Variants in ZBTB40 observed in about 807,000 individuals in gnomAD.
ZBTB40 encodes the protein zinc finger and BTB domain-containing protein 40.
A neutral mutation model predicts 117.5 loss-of-function variants in ZBTB40; 60 were observed. The observed-to-expected ratio is 0.51, with a 90% confidence interval of 0.41 to 0.63. ZBTB40 has a LOEUF of 0.63. ZBTB40 is among the 30% of genes least tolerant of loss of function. The pLI is 0.00. For synonymous variants in ZBTB40, 525 were observed against 577.1 expected (o/e 0.91, Z 1.29); for missense variants, 1,287 against 1,498.5 (o/e 0.86, Z 2.33).
upstream of ZBTB40, among the ~76,000 whole-genome samples, chr1:22,451,662 A>G (rs1640871739): frequency 6.6e-6 from 1 of 151,704 alleles, no homozygotes; most frequent in Non-Finnish European, 1.5e-5. Flanking sequence ...AAAAAAAAAG[A>G]AAAAAACTTT....
At chr1:22,453,532 T>G (rs374379075) in intron 1 of ZBTB40, among the ~76,000 whole-genome samples, 1 of 152,202 alleles carries the variant, frequency 6.6e-6, no homozygotes, top group Admixed American at 6.5e-5. Flanking sequence ...TGTAATAGCA[T>G]CATCATAATA....
chr1:22,519,479 G>A (rs1409056253), intron 13 of ZBTB40: 1 of 162,314 alleles, frequency 6.2e-6, no homozygotes, highest in Admixed American at 5.7e-5. Context: ...CTGTAAAATA[G>A]GGATGATAAT....
chr1:22,465,286 G>A (rs1177917498), intron 1 of ZBTB40, among the ~76,000 whole-genome samples: 1 of 152,152 alleles, frequency 6.6e-6, no homozygotes, highest in African/African-American at 2.4e-5. Context: ...CAGGTCATTT[G>A]GCGGTCTCTG....
At chr1:22,506,383 C>G in intron 6 of ZBTB40, 142 bp downstream of exon 6, 1 of 863,326 alleles carries the variant, frequency 1.2e-6, no homozygotes, top group East Asian at 2.6e-5. Context: ...CGTCATAAAT[C>G]GATAATTCTC....
chr1:22,504,245 T>C (rs1557512066), intron 5 of ZBTB40, among the ~76,000 whole-genome samples: 2 of 152,196 alleles, frequency 1.3e-5, no homozygotes, highest in African/African-American at 2.4e-5. Flanking sequence ...TTAGAAACTA[T>C]GCTAATAATG....
intron 3 of ZBTB40, among the ~76,000 whole-genome samples, chr1:22,495,133 G>A (rs934479347): frequency 6.6e-5 from 10 of 152,144 alleles, no homozygotes; most frequent in Admixed American, 4.6e-4. Context: ...CAGCTGTGAG[G>A]TGTGCACCTG....
At chr1:22,474,253 G>T (rs1057188898) in intron 1 of ZBTB40, among the ~76,000 whole-genome samples, 6 of 152,202 alleles carry the variant, frequency 3.9e-5, no homozygotes, top group Non-Finnish European at 7.3e-5. Flanking sequence ...ATTTGGGAAG[G>T]AATCATGATG....
chr1:22,508,884 G>T (rs1370682814), intron 8 of ZBTB40, among the ~76,000 whole-genome samples, 153 bp downstream of exon 8: 1 of 152,144 alleles, frequency 6.6e-6, no homozygotes, highest in African/African-American at 2.4e-5. Context: ...ACAAGAGTTT[G>T]TAAACCTTTT....
At position 22,520,221 on chromosome 1, in the gene ZBTB40, G is replaced by A. The variant is rs1360199091; in HGVS notation, c.2994G>A (p.Val998=). The A allele has an allele frequency of 3.1e-6, 5 of 1,613,774 alleles. No homozygotes were observed. The highest frequency in any genetic ancestry group is 4.2e-6 in the Non-Finnish European group (5 of 1,179,980). ...CGTCCATGCTGGAGCGGCACGTGGT[G>A]ACCCACGTTGGAGGGAAGCCCTTCA... The part of the protein sequence containing the change: ...SAPSMLERHV[V]THVGGKPFSC... The change falls in exon 14 of 18, where the codon GTG becomes GTA. Residue 998 remains valine (V), a synonymous_variant. Coordinates refer to ENST00000375647, the MANE Select transcript of ZBTB40 (RefSeq NM_014870.4).
chr1:22,457,209 G>C (rs970477673), intron 1 of ZBTB40, among the ~76,000 whole-genome samples: 5 of 152,118 alleles, frequency 3.3e-5, no homozygotes, highest in African/African-American at 1.2e-4. Context: ...CTGTTTCCCT[G>C]CATTTGTCCA....
intron 3 of ZBTB40, among the ~76,000 whole-genome samples, chr1:22,498,455 G>A (rs1638840289): frequency 6.6e-6 from 1 of 152,210 alleles, no homozygotes; most frequent in African/African-American, 2.4e-5. Flanking sequence ...GTTGGCACTG[G>A]TGTAGGTCCC....
chr1:22,478,917 A>G (rs1033670362), intron 1 of ZBTB40, among the ~76,000 whole-genome samples: 3 of 152,174 alleles, frequency 2.0e-5, no homozygotes, highest in African/African-American at 4.8e-5. Flanking sequence ...TCTCATGGAA[A>G]GTTTCTTGGT....
At position 22,501,480 on chromosome 1, in the gene ZBTB40, T is replaced by C. The variant is rs777480084; in HGVS notation, c.832-12T>C. ...TCGCTAATCTATCTTTCTGGGTACT[T>C]TTGTTCCATAGATGATAGTGAAATG... On this transcript the variant is annotated splice_polypyrimidine_tract_variant and intron_variant, in intron 3 of 17. Transcript: ENST00000375647. 6.2e-7 allele frequency: 1 copy of C among 1,614,026 alleles called. No individual in the cohort carries two copies. The highest frequency in any genetic ancestry group is 1.7e-5 in the Admixed American group (1 of 60,022).
chr1:22,461,378 C>T (rs1168580648), intron 1 of ZBTB40, among the ~76,000 whole-genome samples: 2 of 149,838 alleles, frequency 1.3e-5, no homozygotes, highest in Admixed American at 6.7e-5. Flanking sequence ...ATGAAATTTC[C>T]GTATATTCCT....
At chr1:22,514,988 A>C (rs918887383) in intron 12 of ZBTB40, among the ~76,000 whole-genome samples, 2 of 152,254 alleles carry the variant, frequency 1.3e-5, no homozygotes, top group Admixed American at 6.5e-5. Context: ...ATAAATATAT[A>C]GTATAAATTT....
At chr1:22,439,718 C>T (rs894023778) in intron 1 of ZBTB40, among the ~76,000 whole-genome samples, 2 of 152,202 alleles carry the variant, frequency 1.3e-5, no homozygotes, top group African/African-American at 4.8e-5. Context: ...GCCAGTACCA[C>T]ACTGTTTTGA....
upstream of ZBTB40, among the ~76,000 whole-genome samples, chr1:22,447,857 C>T (rs1640807594): frequency 6.6e-6 from 1 of 152,202 alleles, no homozygotes; most frequent in Non-Finnish European, 1.5e-5. Context: ...GACTGAGCTT[C>T]ATTTGGACTG....
intron 3 of ZBTB40, among the ~76,000 whole-genome samples, chr1:22,494,770 CT>C (rs1638728795): frequency 6.6e-6 from 1 of 152,208 alleles, no homozygotes; most frequent in Non-Finnish European, 1.5e-5. Context: ...GGCAGAGAAA[CT>C]TCAATAAGAC....
intron 1 of ZBTB40, among the ~76,000 whole-genome samples, chr1:22,429,573 C>T (rs951606823): frequency 1.3e-5 from 2 of 152,108 alleles, no homozygotes; most frequent in Non-Finnish European, 2.9e-5. Flanking sequence ...CATTTTTCTT[C>T]CCTGAACTGT....
Sources: gnomAD v4.1 joint callset for allele counts (sites outside exome capture counted in the v4.1 genomes callset) on GRCh38, gnomAD v4.1.1 for gene constraint, MANE v1.5 for transcripts, NCBI Gene and HGNC (gene_info 2026-07-23, HGNC 2026-07-21) for gene names.